PCDH10: variants seen among roughly 807,000 people sequenced by gnomAD.
The protein encoded by PCDH10 is protocadherin-10.
In PCDH10, 15 loss-of-function variants were observed where a neutral mutation model predicts 74.4. The ratio of observed to expected loss-of-function variants is 0.20; its 90% confidence interval spans 0.13 to 0.31. The LOEUF is 0.31. Ranked by LOEUF, PCDH10 falls within the 10% of genes least tolerant of loss-of-function variation. PCDH10 has a pLI of 1.00. For missense variants in PCDH10, 1,260 were observed against 1,390.2 expected (o/e 0.91, Z 1.49); for synonymous variants, 619 against 589.8 (o/e 1.05, Z -0.72).
chr4:133,190,074 A>C, intron 4 of PCDH10, 67 bp from the exon 5 acceptor site: 1 of 1,279,458 alleles, frequency 7.8e-7, no homozygotes, highest in Non-Finnish European at 1.1e-6. Flanking sequence ...CTTTTACAAT[A>C]ATGTGTAATT....
chr4:133,177,614 A>G (rs1478677503), intron 4 of PCDH10, among the ~76,000 whole-genome samples: 1 of 152,194 alleles, frequency 6.6e-6, no homozygotes, highest in Non-Finnish European at 1.5e-5. Flanking sequence ...CTCATATGAA[A>G]AGAAAAATTT....
chr4:133,179,682 A>T (rs1442483489), intron 4 of PCDH10, among the ~76,000 whole-genome samples: 1 of 152,104 alleles, frequency 6.6e-6, no homozygotes, highest in Non-Finnish European at 1.5e-5. Flanking sequence ...CTTAAACATA[A>T]TTGCTGTCTT....
At chr4:133,175,093 T>A (rs562393849) in intron 4 of PCDH10, among the ~76,000 whole-genome samples, 1 of 152,102 alleles carries the variant, frequency 6.6e-6, no homozygotes, top group Non-Finnish European at 1.5e-5. Flanking sequence ...AGATTACCTT[T>A]ATTTTTTTCA....
chr4:133,203,000 G>A (rs1727934382), intron 2 of PCDH10, among the ~76,000 whole-genome samples: 1 of 152,126 alleles, frequency 6.6e-6, no homozygotes, highest in African/African-American at 2.4e-5. Context: ...TCTGTTGAAG[G>A]AAATCCTAGG....
chr4:133,166,926 T>C (rs1727094033), intron 4 of PCDH10, among the ~76,000 whole-genome samples: 1 of 151,532 alleles, frequency 6.6e-6, no homozygotes, highest in Non-Finnish European at 1.5e-5. Context: ...AAAAGCTGCA[T>C]GATAATGACT....
Position 133,154,380 on chromosome 4 carries a change from T to C in PCDH10, c.2690+15T>C. The C allele has an allele frequency of 6.4e-7, 1 of 1,552,612 alleles. No homozygotes were observed. Among genetic ancestry groups the C allele is most frequent in the Non-Finnish European group, 8.8e-7 (1 of 1,136,350 alleles). On this transcript the variant is annotated intron_variant, in intron 2 of 4. Transcript: ENST00000264360. The stretch of plus-strand genomic sequence containing the variant: ...CGAGTTAACAGGTATGGACTCTTTT[T>C]TTCCCTAGCAGTAATGGACAATTTA...
At chr4:133,159,174 G>GA (rs1726918160) in intron 3 of PCDH10, among the ~76,000 whole-genome samples, 1 of 152,002 alleles carries the variant, frequency 6.6e-6, no homozygotes, top group African/African-American at 2.4e-5. Context: ...TGCACAAAAA[G>GA]AAATGTTCAC....
chr4:133,150,965 C>T lies in PCDH10; in HGVS notation c.825C>T (p.Thr275=). 6.2e-7 allele frequency: 1 copy of T among 1,613,984 alleles called. No homozygotes were observed. The highest frequency in any genetic ancestry group is 8.5e-7 in the Non-Finnish European group (1 of 1,180,044). The change falls in exon 1 of 5, where the codon ACC becomes ACT. Residue 275 remains threonine (T), a synonymous_variant. Transcript: ENST00000264360. ...CTCTCGTGATCCAGCTCAACGCCAC[C>T]GACCCGGACGAGGGCCAGAACGGTG... ...PGTLVIQLNA[T]DPDEGQNGEV...
chr4:133,155,591 G>A (rs553034679), intron 3 of PCDH10, among the ~76,000 whole-genome samples: 11 of 152,268 alleles, frequency 7.2e-5, no homozygotes, highest in African/African-American at 2.2e-4. Flanking sequence ...GCTTCAGAAC[G>A]TTAGGTAATA....
At chr4:133,173,284 A>C (rs2125867243) in intron 4 of PCDH10, among the ~76,000 whole-genome samples, 1 of 152,146 alleles carries the variant, frequency 6.6e-6, no homozygotes, top group African/African-American at 2.4e-5. Flanking sequence ...GTGACATAAT[A>C]AATGTTAAGC....
chr4:133,153,407 C>T (rs900019065), intron 1 of PCDH10: 4 of 221,728 alleles, frequency 1.8e-5, no homozygotes, highest in Non-Finnish European at 3.1e-5. Context: ...TTGAATGAAG[C>T]TGCGTTGGCA....
chr4:133,201,436 CA>C (rs1578582749), intron 2 of PCDH10, among the ~76,000 whole-genome samples: 1 of 152,020 alleles, frequency 6.6e-6, no homozygotes, highest in African/African-American at 2.4e-5. Context: ...CCCTGCACAA[CA>C]AAAAAGGCCA....
chr4:133,153,242 T>C, intron 1 of PCDH10: 3 of 1,025,412 alleles, frequency 2.9e-6, no homozygotes, highest in Non-Finnish European at 3.6e-6. Context: ...ATAGATTGTT[T>C]AACTTTACAC....
At chr4:133,155,844 G>A (rs571497813) in intron 3 of PCDH10, among the ~76,000 whole-genome samples, 2 of 152,244 alleles carry the variant, frequency 1.3e-5, no homozygotes, top group South Asian at 2.1e-4. Context: ...AATAAAATAT[G>A]TATGTTAAAA....
At position 133,191,187 on chromosome 4, in the gene PCDH10, T is replaced by C. The variant is rs1213760302; in HGVS notation, c.*1027T>C. The C allele has an allele frequency of 6.6e-6, 1 of 152,418 alleles. No individual in the cohort carries two copies. The highest frequency in any genetic ancestry group is 1.5e-5 in the Non-Finnish European group (1 of 67,922). 9.4% of individuals were successfully genotyped at this position (152,418 alleles called of 1,614,324 possible). A position where few individuals can be genotyped will look rare whatever the true frequency, so the allele number is the denominator to read the frequency against. On this transcript the variant is annotated 3_prime_UTR_variant, in exon 5 of 5. Transcript: ENST00000264360. ...TGTTGTTAGAAAAAAACTGGGTGTCTGTACATTTTGTGGTGTAAAATATGT... is the reference window on the plus strand; with the variant it reads ...TGTTGTTAGAAAAAAACTGGGTGTCCGTACATTTTGTGGTGTAAAATATGT...
chr4:133,179,168 G>A (rs914807579), intron 4 of PCDH10, among the ~76,000 whole-genome samples: 2 of 152,168 alleles, frequency 1.3e-5, no homozygotes, highest in Non-Finnish European at 2.9e-5. Context: ...TTAACCCTGA[G>A]TTCTCCCACT....
rs1284209133 is a variant in PCDH10, at chr4:133,151,059, A to G, written c.919A>G (p.Thr307Ala). The change falls in exon 1 of 5, where the codon ACT (threonine) becomes GCT (alanine). Residue 307 changes from threonine (T) to alanine (A), a missense_variant. By Grantham distance (58) the Thr-to-Ala change is moderately conservative. This residue lies in a region of PCDH10 where 192 missense variants were observed against 161.2 expected (regional missense o/e 1.19). Coordinates refer to ENST00000264360, the MANE Select transcript of PCDH10 (RefSeq NM_032961.3). ...ARELFGLSPR[T>A]GRLEVSGELD... ...GGAGCTTTTCGGACTCTCGCCGCGC[A>G]CTGGCAGACTGGAGGTAAGCGGCGA... The G allele has an allele frequency of 6.2e-7, 1 of 1,614,080 alleles. No homozygotes were observed. The highest frequency in any genetic ancestry group is 1.1e-5 in the South Asian group (1 of 91,088).
At chr4:133,185,143 G>T (rs918259117) in intron 4 of PCDH10, among the ~76,000 whole-genome samples, 3 of 147,336 alleles carry the variant, frequency 2.0e-5, no homozygotes, top group African/African-American at 7.4e-5. Context: ...TTTCCATTTA[G>T]ATATGTATAT....
chr4:133,174,862 A>G (rs1727261923), intron 4 of PCDH10, among the ~76,000 whole-genome samples: 1 of 151,594 alleles, frequency 6.6e-6, no homozygotes, highest in African/African-American at 2.4e-5. Flanking sequence ...ACAAACATTA[A>G]AAATTCAGGC....
Sources: gnomAD v4.1 joint callset for allele counts (sites outside exome capture counted in the v4.1 genomes callset) on GRCh38, gnomAD v4.1.1 for gene constraint, gnomAD v4.1.1 regional missense constraint, MANE v1.5 for transcripts, NCBI Gene and HGNC (gene_info 2026-07-23, HGNC 2026-07-21) for gene names.